RAP1A: variants seen among roughly 807,000 people sequenced by gnomAD.
The protein encoded by RAP1A is RAP1A, member of RAS oncogene family, also known as ras-related protein Rap-1A.
In RAP1A, 6 loss-of-function variants were observed where a neutral mutation model predicts 26.4. The ratio of observed to expected loss-of-function variants is 0.23; its 90% confidence interval spans 0.12 to 0.45. The LOEUF is 0.45. Among genes scored for constraint, RAP1A ranks in the 20% least tolerant of loss-of-function variants. The probability of loss-of-function intolerance (pLI) is 0.99; values close to 1 mark genes in which losing one functional copy is unlikely to be tolerated. For missense variants in RAP1A, 121 were observed against 217.2 expected, an observed-to-expected ratio of 0.56 and a Z score of 2.78; for synonymous variants, 73 against 79.4, an observed-to-expected ratio of 0.92 and a Z score of 0.43.
intron 1 of RAP1A, among the ~76,000 whole-genome samples, chr1:111,628,885 T>A (rs1204997504): frequency 6.6e-6 from 1 of 152,172 alleles, no homozygotes; most frequent in East Asian, 1.9e-4. Flanking sequence ...ATTCCAAGAT[T>A]CCTATCATTT....
intron 1 of RAP1A, among the ~76,000 whole-genome samples, chr1:111,630,807 G>A (rs556662758): frequency 6.6e-6 from 1 of 152,310 alleles, no homozygotes; most frequent in East Asian, 1.9e-4. Context: ...GAAAAGCCTG[G>A]TAGATGAGGT....
intron 1 of RAP1A, among the ~76,000 whole-genome samples, chr1:111,583,918 T>C (rs1423473994): frequency 2.7e-5 from 4 of 148,620 alleles, no homozygotes; most frequent in East Asian, 3.9e-4. Context: ...TCTCACTCTG[T>C]TGCCCAGGCT....
chr1:111,668,693 T>C (rs1660874579), intron 1 of RAP1A, among the ~76,000 whole-genome samples: 1 of 152,126 alleles, frequency 6.6e-6, no homozygotes, highest in South Asian at 2.1e-4. Context: ...TATGAGAAGT[T>C]ACAAATAGCT....
At chr1:111,683,711 C>T (rs1661376171) in intron 1 of RAP1A, among the ~76,000 whole-genome samples, 1 of 152,208 alleles carries the variant, frequency 6.6e-6, no homozygotes, top group Non-Finnish European at 1.5e-5. Context: ...GACAGATTCA[C>T]AGCCGAATTC....
At chr1:111,671,475 CTTTCTTTT>C (rs1241562738) in intron 1 of RAP1A, among the ~76,000 whole-genome samples, 59 of 152,088 alleles carry the variant, frequency 3.9e-4, no homozygotes, top group African/African-American at 1.4e-3. Context: ...TCTTTTCTTT[CTTTCTTTT>C]TTTTTGTTTT....
At chr1:111,567,583 T>C (rs188499595) in intron 1 of RAP1A, among the ~76,000 whole-genome samples, 144 of 152,300 alleles carry the variant, frequency 9.5e-4, no homozygotes, top group African/African-American at 2.5e-3. Context: ...ATAAGGTCTT[T>C]ATGGAGGTAA....
chr1:111,662,671 A>G (rs950406966), intron 1 of RAP1A, among the ~76,000 whole-genome samples: 4 of 152,224 alleles, frequency 2.6e-5, no homozygotes, highest in Admixed American at 2.6e-4. Context: ...GTTTTTATCA[A>G]CTAAAACATT....
chr1:111,570,589 C>G (rs182396938), intron 1 of RAP1A, among the ~76,000 whole-genome samples: 3 of 151,986 alleles, frequency 2.0e-5, no homozygotes, highest in Non-Finnish European at 4.4e-5. Flanking sequence ...ATACCTGAGA[C>G]GGGGTAATTT....
At chr1:111,610,390 G>A (rs938637805) in intron 1 of RAP1A, among the ~76,000 whole-genome samples, 2 of 152,134 alleles carry the variant, frequency 1.3e-5, no homozygotes, top group African/African-American at 4.8e-5. Flanking sequence ...TAAATTTACT[G>A]CAAATGTGTT....
chr1:111,549,960 G>A (rs1657196122), intron 1 of RAP1A, among the ~76,000 whole-genome samples: 1 of 151,950 alleles, frequency 6.6e-6, no homozygotes, highest in African/African-American at 2.4e-5. Flanking sequence ...CCTTGTTTTG[G>A]GTTTTTTTGT....
At chr1:111,635,035 T>G (rs1659685615) in intron 1 of RAP1A, among the ~76,000 whole-genome samples, 1 of 152,174 alleles carries the variant, frequency 6.6e-6, no homozygotes, top group Non-Finnish European at 1.5e-5. Context: ...AAGATAAAGA[T>G]TCTTAGGTGA....
intron 1 of RAP1A, among the ~76,000 whole-genome samples, chr1:111,594,366 G>C (rs192956898): frequency 5.7e-4 from 87 of 152,250 alleles, no homozygotes; most frequent in Non-Finnish European, 1.5e-5. Context: ...TGTAGTCCCA[G>C]CTACTTGGGA....
At position 111,579,666 on chromosome 1, in the gene RAP1A, A is replaced by T. The variant is rs1057492199; in HGVS notation, c.-28+37157A>T. Among the ~76,000 whole-genome samples the T allele has an allele frequency of 2.0e-5, 3 of 152,290 alleles. No individual in the cohort carries two copies. In the South Asian group the frequency reaches 6.2e-4, roughly 32 times the overall value. ...GTCAAAAATGTATTTAACACACCTA[A>T]CCTACCGAACATCATAGCTTAGCCT... is the stretch of plus-strand genomic sequence containing the variant. On this transcript the variant is annotated intron_variant, in intron 1 of 7. Transcript: ENST00000356415.
intron 1 of RAP1A, among the ~76,000 whole-genome samples, chr1:111,550,956 T>A (rs1345149892): frequency 1.3e-5 from 2 of 152,250 alleles, no homozygotes; most frequent in Non-Finnish European, 2.9e-5. Flanking sequence ...CATAGTGGAG[T>A]GACTCTTTTA....
At chr1:111,658,352 T>G (rs1278168846) in intron 1 of RAP1A, among the ~76,000 whole-genome samples, 1 of 152,128 alleles carries the variant, frequency 6.6e-6, no homozygotes, top group Non-Finnish European at 1.5e-5. Flanking sequence ...TCTAAAATAA[T>G]TAAGTAAATA....
chr1:111,662,166 C>T (rs994652145), intron 1 of RAP1A, among the ~76,000 whole-genome samples: 1 of 152,056 alleles, frequency 6.6e-6, no homozygotes, highest in Admixed American at 6.5e-5. Flanking sequence ...GAGGCCGAGG[C>T]GGGCAGATCA....
intron 1 of RAP1A, among the ~76,000 whole-genome samples, chr1:111,689,125 T>A (rs1469138188): frequency 1.3e-5 from 2 of 152,174 alleles, no homozygotes; most frequent in African/African-American, 4.8e-5. Context: ...CATAAGCTAC[T>A]GCACCTGGCC....
At chr1:111,567,200 T>C (rs1180262227) in intron 1 of RAP1A, among the ~76,000 whole-genome samples, 1 of 152,136 alleles carries the variant, frequency 6.6e-6, no homozygotes, top group African/African-American at 2.4e-5. Context: ...AATGCAGTTA[T>C]AAGAGCTCTA....
intron 1 of RAP1A, among the ~76,000 whole-genome samples, chr1:111,560,798 A>G (rs1176515509): frequency 6.6e-6 from 1 of 152,148 alleles, no homozygotes; most frequent in Non-Finnish European, 1.5e-5. Flanking sequence ...GGCTGGGTAA[A>G]TAGTTCTTGA....
Sources: gnomAD v4.1 joint callset for allele counts (sites outside exome capture counted in the v4.1 genomes callset) on GRCh38, gnomAD v4.1.1 for gene constraint, MANE v1.5 for transcripts, NCBI Gene and HGNC (gene_info 2026-07-23, HGNC 2026-07-21) for gene names.